Variants in RALGAPA2 observed in about 807,000 individuals in gnomAD.
RALGAPA2 encodes the protein Ral GTPase activating protein catalytic subunit alpha 2.
Under a neutral mutation model 230.4 loss-of-function variants are expected in RALGAPA2, and 139 were observed. The ratio of observed to expected loss-of-function variants is 0.60; its 90% CI spans 0.53 to 0.69. The LOEUF (loss-of-function observed/expected upper bound fraction) is 0.69, where lower values mean the gene tolerates loss of function less well. Among genes scored for constraint, RALGAPA2 ranks in the 30% least tolerant of loss-of-function variants. The pLI, the probability that RALGAPA2 is intolerant of heterozygous loss-of-function variation, is 0.00. For synonymous variants in RALGAPA2, 847 were observed against 837.8 expected, an observed-to-expected ratio of 1.01 and a Z score of -0.19; for missense variants, 2,163 against 2,276.0, an observed-to-expected ratio of 0.95 and a Z score of 1.01.
intron 20 of RALGAPA2, among the ~76,000 whole-genome samples, chr20:20,581,321 T>C (rs2064976951): frequency 6.6e-6 from 1 of 152,202 alleles, no homozygotes; most frequent in Non-Finnish European, 1.5e-5. Flanking sequence ...TTTAAGTAAA[T>C]TCAACCTACT....
intron 23 of RALGAPA2, among the ~76,000 whole-genome samples, chr20:20,563,924 A>C (rs2064333986): frequency 6.6e-6 from 1 of 151,216 alleles, no homozygotes; most frequent in Non-Finnish European, 1.5e-5. Flanking sequence ...CACACACACA[A>C]ACCCCATCTG....
chr20:20,434,770 T>C (rs116581025), intron 37 of RALGAPA2, among the ~76,000 whole-genome samples: 311 of 152,250 alleles, frequency 2.0e-3, no homozygotes, highest in African/African-American at 7.0e-3. Context: ...ACCCCGTCTC[T>C]ACTAACACAT....
chr20:20,483,880 G>A (rs1192840225), intron 36 of RALGAPA2, among the ~76,000 whole-genome samples: 1 of 152,172 alleles, frequency 6.6e-6, no homozygotes, highest in Non-Finnish European at 1.5e-5. Context: ...AGTGGTTTCT[G>A]GATATTCAGA....
chr20:20,555,179 ATTC>A (rs1442274980), intron 23 of RALGAPA2, among the ~76,000 whole-genome samples: 2 of 152,288 alleles, frequency 1.3e-5, no homozygotes, highest in East Asian at 3.9e-4. Flanking sequence ...TGAATTGACT[ATTC>A]TTTTCCGACT....
At chr20:20,672,332 A>C (rs953344838) in intron 3 of RALGAPA2, among the ~76,000 whole-genome samples, 1 of 152,222 alleles carries the variant, frequency 6.6e-6, no homozygotes, top group African/African-American at 2.4e-5. Context: ...AGGCAGCTGA[A>C]ATAACCAGCA....
chr20:20,639,431 T>G (rs1183351058), intron 7 of RALGAPA2, among the ~76,000 whole-genome samples: 2 of 152,216 alleles, frequency 1.3e-5, no homozygotes, highest in African/African-American at 4.8e-5. Flanking sequence ...AGGAGATTGC[T>G]CCATGTGCTT....
At chr20:20,554,980 T>C (rs1440230304) in intron 23 of RALGAPA2, among the ~76,000 whole-genome samples, 1 of 152,266 alleles carries the variant, frequency 6.6e-6, no homozygotes, top group Non-Finnish European at 1.5e-5. Flanking sequence ...TTTGGTTTCA[T>C]ATCTAAAAGT....
intron 37 of RALGAPA2, chr20:20,472,588 G>A (rs2061563807): frequency 3.3e-6 from 1 of 303,596 alleles, no homozygotes. Context: ...CAGCTTCTCA[G>A]ACACAAACGT....
At chr20:20,430,744 C>T (rs1412446795) in intron 37 of RALGAPA2, among the ~76,000 whole-genome samples, 1 of 152,190 alleles carries the variant, frequency 6.6e-6, no homozygotes, top group African/African-American at 2.4e-5. Context: ...GACACAAGAT[C>T]TCACTGTTTT....
At chr20:20,483,430 G>A (rs1330026309) in intron 36 of RALGAPA2, among the ~76,000 whole-genome samples, 1 of 152,196 alleles carries the variant, frequency 6.6e-6, no homozygotes, top group Non-Finnish European at 1.5e-5. Flanking sequence ...CCAGTGGGTT[G>A]AGCAGACCAG....
intron 23 of RALGAPA2, among the ~76,000 whole-genome samples, chr20:20,554,833 C>T (rs556337045): frequency 1.3e-5 from 2 of 152,248 alleles, no homozygotes; most frequent in South Asian, 4.1e-4. Flanking sequence ...ATTCTAGATA[C>T]TAGGCCCTAA....
At chr20:20,455,332 G>T (rs780301742) in intron 37 of RALGAPA2, among the ~76,000 whole-genome samples, 10 of 152,220 alleles carry the variant, frequency 6.6e-5, no homozygotes, top group Non-Finnish European at 1.2e-4. Flanking sequence ...AGAAGGCCGT[G>T]GTTCCAGATG....
intron 36 of RALGAPA2, among the ~76,000 whole-genome samples, chr20:20,475,816 T>C (rs2061638106): frequency 6.6e-6 from 1 of 152,142 alleles, no homozygotes; most frequent in African/African-American, 2.4e-5. Flanking sequence ...GAAGTAAAAC[T>C]GTTTTTATTC....
intron 33 of RALGAPA2, among the ~76,000 whole-genome samples, chr20:20,508,681 A>G (rs142470736): frequency 1.4e-4 from 21 of 152,376 alleles, no homozygotes; most frequent in Admixed American, 3.3e-4. Flanking sequence ...GTTCTAAATG[A>G]AAGTTGACAG....
At chr20:20,608,739 C>T (rs2065896507) in intron 14 of RALGAPA2, among the ~76,000 whole-genome samples, 1 of 152,170 alleles carries the variant, frequency 6.6e-6, no homozygotes, top group South Asian at 2.1e-4. Flanking sequence ...AGTATTCTTG[C>T]CTCTTGCATC....
At chr20:20,664,110 C>T (rs1046512772) in intron 3 of RALGAPA2, among the ~76,000 whole-genome samples, 3 of 152,212 alleles carry the variant, frequency 2.0e-5, no homozygotes, top group African/African-American at 7.2e-5. Context: ...CAATTTAAAA[C>T]TTATGAATGG....
rs899802214 is a variant in RALGAPA2, at chr20:20,390,043, C to T, written c.*3246G>A. ...ATGTTGAATTTCCCTCGGATGCAGA[C>T]GCTGCCCTTCAGTAGATATAAAGGT... On this transcript the variant is annotated 3_prime_UTR_variant, in exon 40 of 40. Coordinates refer to ENST00000202677, the MANE Select transcript of RALGAPA2 (RefSeq NM_020343.4). The T allele has an allele frequency of 7.9e-5, 12 of 152,086 alleles. No homozygotes were observed. The highest frequency in any genetic ancestry group is 2.9e-4 in the African/African-American group (12 of 41,396). 9.4% of individuals were successfully genotyped at this position (152,086 alleles called of 1,614,324 possible).
chr20:20,572,470 G>A (rs976465833), intron 21 of RALGAPA2, among the ~76,000 whole-genome samples: 6 of 150,264 alleles, frequency 4.0e-5, no homozygotes, highest in Admixed American at 2.7e-4. Context: ...AAACTTGTAT[G>A]TACTCTAAGA....
In RALGAPA2 at chr20:20,583,089, A is replaced by G; in HGVS notation, c.2668T>C (p.Trp890Arg). Residue 890 changes from tryptophan (W) to arginine (R), a missense_variant, in exon 20 of 40, where the codon TGG (tryptophan) becomes CGG (arginine). Coordinates refer to ENST00000202677, the MANE Select transcript of RALGAPA2 (RefSeq NM_020343.4). The stretch of plus-strand genomic sequence containing the variant: ...GCATCGGTGGGACTCAGTTGTAACC[A>G]ATGACGGGCATCAGCATCAGCCACA... The part of the protein sequence containing the change: ...DVVADADARH[W>R]LQLSPTDASN... 2 of 1,613,698 alleles carry G rather than the reference A, an allele frequency of 1.2e-6. No homozygotes were observed. The highest frequency in any genetic ancestry group is 1.7e-6 in the Non-Finnish European group (2 of 1,179,726).
Sources: gnomAD v4.1 joint callset for allele counts (sites outside exome capture counted in the v4.1 genomes callset) on GRCh38, gnomAD v4.1.1 for gene constraint, MANE v1.5 for transcripts, NCBI Gene and HGNC (gene_info 2026-07-23, HGNC 2026-07-21) for gene names.